The following TRMT11 variants were observed in gnomAD, a reference collection of about 807,000 sequenced individuals.
The protein encoded by TRMT11 is tRNA methyltransferase 11, also known as tRNA (guanine(10)-N(2))-methyltransferase TRMT11.
A neutral mutation model predicts 62.8 loss-of-function variants in TRMT11; 53 were observed. The observed-to-expected ratio is 0.84, with a 90% CI of 0.68 to 1.06. The LOEUF (loss-of-function observed/expected upper bound fraction) is 1.06, where lower values mean the gene tolerates loss of function less well. TRMT11 is among the 50% of genes least tolerant of loss of function. The pLI, the probability that TRMT11 is intolerant of heterozygous loss-of-function variation, is 0.00. For missense variants in TRMT11, 556 were observed against 553.4 expected (o/e 1.00, Z -0.05); for synonymous variants, 188 against 190.3 (o/e 0.99, Z 0.10).
At chr6:126,128,203 A>G (rs1214723108) in intron 21 of TRMT11, among the ~76,000 whole-genome samples, 1 of 152,142 alleles carries the variant, frequency 6.6e-6, no homozygotes, top group African/African-American at 2.4e-5. Context: ...CATTGGAGTG[A>G]ATTAAGATGA....
At chr6:126,182,568 T>C (rs1214324976) in intron 1 of TRMT11, among the ~76,000 whole-genome samples, 2 of 152,032 alleles carry the variant, frequency 1.3e-5, no homozygotes, top group Non-Finnish European at 2.9e-5. Flanking sequence ...TATGGTAGCC[T>C]GACCCCTGAC....
chr6:126,197,530 A>AGGTT (rs1294013176), intron 1 of TRMT11, among the ~76,000 whole-genome samples: 1 of 152,102 alleles, frequency 6.6e-6, no homozygotes. Flanking sequence ...ACTTTATGGG[A>AGGTT]GGTTATTAGT....
intron 17 of TRMT11, among the ~76,000 whole-genome samples, chr6:126,084,763 G>C (rs1041656947): frequency 5.3e-4 from 80 of 152,130 alleles, no homozygotes; most frequent in African/African-American, 1.8e-3. Flanking sequence ...TCAGCCTTAA[G>C]AAGAAAATCC....
At chr6:126,157,693 T>G (rs1778137055) in intron 21 of TRMT11, among the ~76,000 whole-genome samples, 1 of 152,350 alleles carries the variant, frequency 6.6e-6, no homozygotes, top group Middle Eastern at 3.4e-3. Context: ...ACCAATTGAC[T>G]GTTGGGATTT....
intron 21 of TRMT11, among the ~76,000 whole-genome samples, chr6:126,164,731 T>C (rs374826433): frequency 2.0e-5 from 3 of 152,120 alleles, no homozygotes; most frequent in East Asian, 3.8e-4. Flanking sequence ...TTCTGTAATG[T>C]TCTTCTTTGT....
the TRMT11 span, among the ~76,000 whole-genome samples, chr6:126,262,526 C>T: frequency 6.6e-6 from 1 of 152,144 alleles, no homozygotes; most frequent in Admixed American, 6.5e-5. Flanking sequence ...TTGCTACAAC[C>T]TCCCAGGACA....
In TRMT11 at chr6:126,016,985, ATTCTT is replaced by A. The variant is rs1474090949; in HGVS notation, c.1139+3886_1139+3890del. On this transcript the variant is annotated intron_variant, in intron 11 of 12. Coordinates refer to ENST00000334379, the MANE Select transcript of TRMT11 (RefSeq NM_001031712.3). ...ATTCAAGGTCTTTACTCTTTTGAAA[ATTCTT>A]TACTGTTTTGAAAATAACACAGTAT... is the stretch of plus-strand genomic sequence containing the variant. 2.6e-5 allele frequency among the ~76,000 whole-genome samples: 4 copies of A among 152,314 alleles called. No individual in the cohort carries two copies. In the South Asian group the frequency reaches 8.3e-4, roughly 32 times the overall value.
chr6:126,115,932 T>A (rs1777581546), intron 21 of TRMT11, among the ~76,000 whole-genome samples: 1 of 151,926 alleles, frequency 6.6e-6, no homozygotes, highest in Admixed American at 6.6e-5. Context: ...AGCAATGAAG[T>A]GTGAGTCCCA....
intron 21 of TRMT11, among the ~76,000 whole-genome samples, chr6:126,149,028 A>G (rs1226253937): frequency 6.6e-6 from 1 of 152,226 alleles, no homozygotes; most frequent in African/African-American, 2.4e-5. Context: ...TTTACAAACC[A>G]TAGTGTAATT....
chr6:126,206,382 T>G (rs1369761754), downstream of TRMT11, among the ~76,000 whole-genome samples: 1 of 152,164 alleles, frequency 6.6e-6, no homozygotes, highest in East Asian at 1.9e-4. Flanking sequence ...GGGCCACAGA[T>G]TCTGTATTTC....
In TRMT11 at chr6:126,051,921, A is replaced by G. The variant is rs147426195; in HGVS notation, c.*1370-1202A>G. ...TATGGGACAAAAAACAAAACAAAAC[A>G]AACAGAAAACCACTGAGTCAAGACA... On this transcript the variant is annotated intron_variant and NMD_transcript_variant, in intron 16 of 22. Coordinates refer to the TRMT11 transcript ENST00000648977. Among the ~76,000 whole-genome samples, 236 of 152,316 alleles carry G rather than the reference A, an allele frequency of 1.5e-3. 1 individual carries two copies. The highest frequency in any genetic ancestry group is 2.8e-3 in the Non-Finnish European group (191 of 68,018).
the TRMT11 span, among the ~76,000 whole-genome samples, chr6:126,222,573 CT>C: frequency 4.7e-5 from 7 of 150,206 alleles, no homozygotes; most frequent in African/African-American, 1.2e-4. Context: ...GTATTTTATT[CT>C]TTTTTTTTGG....
chr6:126,076,739 C>G lies in TRMT11; in HGVS notation c.*1437+23549C>G, dbSNP rs370251636. On this transcript the variant is annotated intron_variant and NMD_transcript_variant, in intron 17 of 22. Transcript: ENST00000648977. ...CAGTTACCATATAAATAAAAAATGT[C>G]TAATGTCCTGTGTGTGTCTCTCCTA... Among the ~76,000 whole-genome samples, 9 of 152,238 alleles carry G rather than the reference C, an allele frequency of 5.9e-5. No individual in the cohort carries two copies. In the East Asian group the frequency reaches 1.2e-3, roughly 20 times the overall value.
intron 16 of TRMT11, among the ~76,000 whole-genome samples, chr6:126,050,859 A>G (rs1294846593): frequency 6.6e-6 from 1 of 152,234 alleles, no homozygotes; most frequent in Non-Finnish European, 1.5e-5. Context: ...TTCAACAAAT[A>G]TTTTGTCCTC....
At chr6:126,151,859 T>TTTCTTTCTTTCC (rs1778053667) in intron 21 of TRMT11, among the ~76,000 whole-genome samples, 1 of 132,438 alleles carries the variant, frequency 7.6e-6, no homozygotes. Flanking sequence ...TCTTTCTTTC[T>TTTCTTTCTTTCC]TTCTTTCCTT....
At chr6:126,143,947 G>A (rs1275538412) in intron 21 of TRMT11, among the ~76,000 whole-genome samples, 1 of 152,166 alleles carries the variant, frequency 6.6e-6, no homozygotes, top group Non-Finnish European at 1.5e-5. Flanking sequence ...AGAAAGTGAG[G>A]ACAACAATTT....
chr6:126,062,581 G>A (rs1776567365), intron 17 of TRMT11, among the ~76,000 whole-genome samples: 1 of 152,184 alleles, frequency 6.6e-6, no homozygotes, highest in South Asian at 2.1e-4. Flanking sequence ...CAAGTGGGTT[G>A]AAAATTGGCC....
chr6:126,131,400 C>T (rs1267487371), intron 21 of TRMT11, among the ~76,000 whole-genome samples: 2 of 151,960 alleles, frequency 1.3e-5, no homozygotes, highest in Non-Finnish European at 2.9e-5. Context: ...GTGTTTGCTC[C>T]CCAAAGAGAG....
At chr6:126,010,715 T>C (rs779620078) in intron 8 of TRMT11, among the ~76,000 whole-genome samples, 1 of 152,078 alleles carries the variant, frequency 6.6e-6, no homozygotes, top group Non-Finnish European at 1.5e-5. Context: ...GTTTCTCTGA[T>C]ATTAATCACT....
Sources: gnomAD v4.1 joint callset for allele counts (sites outside exome capture counted in the v4.1 genomes callset) on GRCh38, gnomAD v4.1.1 for gene constraint, MANE v1.5 for transcripts, NCBI Gene and HGNC (gene_info 2026-07-23, HGNC 2026-07-21) for gene names.